Variants in EXD3 observed in about 807,000 individuals in gnomAD.
EXD3 encodes exonuclease mut-7 homolog.
Under a neutral mutation model 98.0 loss-of-function variants are expected in EXD3, and 92 were observed. The observed-to-expected ratio is 0.94, with a 90% CI of 0.79 to 1.12. EXD3 has a LOEUF of 1.12. EXD3 is among the 50% of genes most tolerant of loss of function. The pLI, the probability that EXD3 is intolerant of heterozygous loss-of-function variation, is 0.00. For missense variants in EXD3, 1,222 were observed against 1,191.6 expected, an observed-to-expected ratio of 1.03 and a Z score of -0.38; for synonymous variants, 569 against 526.0, an observed-to-expected ratio of 1.08 and a Z score of -1.12.
intron 1 of EXD3, among the ~76,000 whole-genome samples, chr9:137,413,492 G>A (rs1838097972): frequency 2.0e-5 from 3 of 148,876 alleles, no homozygotes; most frequent in Admixed American, 6.7e-5. Flanking sequence ...GAGCCACCGC[G>A]CCTGGCCTAG....
At chr9:137,421,647 G>T (rs556320930) in intron 1 of EXD3, among the ~76,000 whole-genome samples, 2 of 152,256 alleles carry the variant, frequency 1.3e-5, no homozygotes, top group Admixed American at 6.5e-5. Flanking sequence ...GACTAGCCTG[G>T]GCAAGGTGTC....
chr9:137,375,062 G>A (rs1444445943), intron 3 of EXD3, among the ~76,000 whole-genome samples: 2 of 151,782 alleles, frequency 1.3e-5, no homozygotes, highest in African/African-American at 4.9e-5. Flanking sequence ...AGGCTGGAGT[G>A]CAGTGGCGCG....
intron 4 of EXD3, among the ~76,000 whole-genome samples, 158 bp from the exon 5 acceptor site, chr9:137,373,230 C>T (rs959601614): frequency 2.0e-5 from 3 of 152,332 alleles, no homozygotes; most frequent in Middle Eastern, 6.8e-3. Flanking sequence ...GGGGCGAGGC[C>T]GGTCTCAGCA....
chr9:137,341,477 C>T (rs1030812357), intron 17 of EXD3, among the ~76,000 whole-genome samples: 1 of 152,282 alleles, frequency 6.6e-6, no homozygotes, highest in African/African-American at 2.4e-5. Flanking sequence ...GCACATGGGG[C>T]CTCAGGCACC....
chr9:137,398,542 G>A (rs910729011), intron 1 of EXD3, among the ~76,000 whole-genome samples: 9 of 145,406 alleles, frequency 6.2e-5, no homozygotes, highest in East Asian at 2.0e-4. Flanking sequence ...ACAGGCAACC[G>A]CGTCCCCAAG....
chr9:137,383,214 G>T, intron 3 of EXD3, 99 bp downstream of exon 3: 1 of 1,022,016 alleles, frequency 9.8e-7, no homozygotes, highest in Non-Finnish European at 1.5e-6. Flanking sequence ...GGGCTGTGCA[G>T]CTTCCTGACC....
At chr9:137,380,030 G>A (rs548631701) in intron 3 of EXD3, among the ~76,000 whole-genome samples, 108 of 151,986 alleles carry the variant, frequency 7.1e-4, no homozygotes, top group African/African-American at 2.5e-3. Context: ...TCCTGGCCCA[G>A]GCATCTCCTT....
Position 137,405,254 on chromosome 9 carries a change from G to A in EXD3, c.-47-9850C>T, listed in dbSNP as rs1247603475. Among the ~76,000 whole-genome samples, 1 of 152,196 alleles carries A rather than the reference G, an allele frequency of 6.6e-6. No homozygotes were observed. Among genetic ancestry groups the A allele is most frequent in the Non-Finnish European group, 1.5e-5 (1 of 68,026 alleles). Reference sequence around the variant, plus strand: ...GTGGGCTCTGACCCACAGAGGGCTGGGCCAGCACCCCCGGGGGAAGGCGGT... The same window carrying A: ...GTGGGCTCTGACCCACAGAGGGCTGAGCCAGCACCCCCGGGGGAAGGCGGT... On this transcript the variant is annotated intron_variant, in intron 1 of 21. Transcript: ENST00000340951. This position sits in a 1 kb window ranked among gnomAD's most constrained non-coding sequence, Gnocchi z 4.1.
intron 2 of EXD3, among the ~76,000 whole-genome samples, chr9:137,390,642 T>C (rs1487935473): frequency 6.6e-6 from 1 of 152,188 alleles, no homozygotes; most frequent in Non-Finnish European, 1.5e-5. Flanking sequence ...GAGCCCTCTC[T>C]GCTGGCAGGT....
chr9:137,327,362 T>G (rs1268041036), intron 17 of EXD3, among the ~76,000 whole-genome samples: 1 of 152,120 alleles, frequency 6.6e-6, no homozygotes, highest in Non-Finnish European at 1.5e-5. Context: ...CTCGACCTCC[T>G]GACCTTGTGA....
chr9:137,394,197 GCCTCCGCTTCC>G (rs1837091653), intron 2 of EXD3, among the ~76,000 whole-genome samples: 1 of 80,096 alleles, frequency 1.2e-5, no homozygotes, highest in African/African-American at 5.0e-5. Context: ...CAGCCTCCCA[GCCTCCGCTTCC>G]CTAACCCCGG....
chr9:137,352,737 A>G lies in EXD3; in HGVS notation c.920T>C (p.Leu307Pro), dbSNP rs759959283. The change falls in exon 11 of 22, where the codon CTG (leucine) becomes CCG (proline). Residue 307 changes from leucine to proline, a missense_variant. Leu to Pro is a moderately conservative substitution (Grantham distance 98). Coordinates refer to ENST00000340951, the MANE Select transcript of EXD3 (RefSeq NM_017820.5). ...PWLQEQLSQL[L>P]VSHSDPVTAA... Reference sequence around the variant, plus strand: ...CGTGACTGGGTCACTGTGGGAGACCAGCAGCTGAGACAGCTGCTCCTGAAG... The same window carrying G: ...CGTGACTGGGTCACTGTGGGAGACCGGCAGCTGAGACAGCTGCTCCTGAAG... 2.5e-6 allele frequency: 4 copies of G among 1,575,736 alleles called. No homozygotes were observed. Among genetic ancestry groups the G allele is most frequent in the Non-Finnish European group, 3.4e-6 (4 of 1,162,558 alleles).
At chr9:137,394,701 G>T (rs1050068314) in intron 2 of EXD3, among the ~76,000 whole-genome samples, 1 of 46,700 alleles carries the variant, frequency 2.1e-5, no homozygotes, top group Non-Finnish European at 5.7e-5. Flanking sequence ...CAGGGCAGCC[G>T]AGCGAGCGGG....
chr9:137,416,490 C>T (rs1469155189), intron 1 of EXD3, among the ~76,000 whole-genome samples: 1 of 152,246 alleles, frequency 6.6e-6, no homozygotes, highest in Non-Finnish European at 1.5e-5. Context: ...CAGAAACATC[C>T]GGCCGGCCCA....
chr9:137,337,946 C>T (rs1462381055), intron 17 of EXD3, among the ~76,000 whole-genome samples: 1 of 151,976 alleles, frequency 6.6e-6, no homozygotes, highest in Non-Finnish European at 1.5e-5. Flanking sequence ...CACCACCATG[C>T]CCAGCTAATT....
intron 1 of EXD3, among the ~76,000 whole-genome samples, chr9:137,411,469 G>C (rs1472059867): frequency 6.6e-6 from 1 of 151,900 alleles, no homozygotes; most frequent in Non-Finnish European, 1.5e-5. Context: ...GGACCAACAG[G>C]ATGTGCAGGG....
At chr9:137,401,241 C>T (rs1837469455) in intron 1 of EXD3, among the ~76,000 whole-genome samples, 2 of 151,078 alleles carry the variant, frequency 1.3e-5, no homozygotes, top group Admixed American at 1.3e-4. Context: ...GCAAGCTCCA[C>T]CTCCCGGGTT....
At chr9:137,325,426 A>G (rs1351621015) in intron 17 of EXD3, among the ~76,000 whole-genome samples, 1 of 152,026 alleles carries the variant, frequency 6.6e-6, no homozygotes, top group Non-Finnish European at 1.5e-5. Flanking sequence ...GTTCCTTAAA[A>G]TCATCAGTTA....
chr9:137,355,742 A>G (rs1834742769), intron 8 of EXD3, among the ~76,000 whole-genome samples: 1 of 148,348 alleles, frequency 6.7e-6, no homozygotes, highest in Admixed American at 6.9e-5. Context: ...GGACCTAGAA[A>G]CACTGCAAAA....
Sources: allele counts gnomAD v4.1 joint callset (sites outside exome capture counted in the v4.1 genomes callset), GRCh38; gene constraint gnomAD v4.1.1; non-coding constraint Gnocchi (gnomAD v3.1); transcripts MANE v1.5; gene names NCBI Gene and HGNC (gene_info 2026-07-23, HGNC 2026-07-21).